FMN2: variants seen among roughly 807,000 people sequenced by gnomAD.
FMN2 encodes the protein formin-2.
A neutral mutation model predicts 142.3 loss-of-function variants in FMN2; 51 were observed. The ratio of observed to expected loss-of-function variants is 0.36; its 90% confidence interval spans 0.29 to 0.45. FMN2 has a LOEUF of 0.45. Ranked by LOEUF, FMN2 falls within the 20% of genes least tolerant of loss-of-function variation. The probability of loss-of-function intolerance (pLI) is 1.00; values close to 1 mark genes in which losing one functional copy is unlikely to be tolerated. For missense variants in FMN2, 1,936 were observed against 2,122.8 expected (o/e 0.91, Z 1.73); for synonymous variants, 882 against 869.8 (o/e 1.01, Z -0.25).
At chr1:240,427,169 T>C (rs1674971561) in intron 15 of FMN2, among the ~76,000 whole-genome samples, 1 of 63,940 alleles carries the variant, frequency 1.6e-5, no homozygotes, top group South Asian at 5.7e-4. Flanking sequence ...TTACAACTGA[T>C]TTTATATATA....
At chr1:240,204,226 C>A (rs540289918) in intron 4 of FMN2, among the ~76,000 whole-genome samples, 27 of 152,176 alleles carry the variant, frequency 1.8e-4, no homozygotes, top group African/African-American at 6.5e-4. Flanking sequence ...CAGCAAACAT[C>A]ATGATTGACC....
intron 15 of FMN2, among the ~76,000 whole-genome samples, chr1:240,426,014 T>C (rs1163208577): frequency 6.6e-6 from 1 of 152,180 alleles, no homozygotes; most frequent in East Asian, 1.9e-4. Context: ...AAATAATACT[T>C]GAACGAGAGT....
chr1:240,136,713 C>G (rs1220399637), intron 2 of FMN2, among the ~76,000 whole-genome samples: 1 of 152,086 alleles, frequency 6.6e-6, no homozygotes, highest in Non-Finnish European at 1.5e-5. Context: ...TTAATTAGTT[C>G]TATTGATGTG....
chr1:240,228,258 G>C (rs1667388336), intron 6 of FMN2, among the ~76,000 whole-genome samples: 2 of 131,076 alleles, frequency 1.5e-5, no homozygotes, highest in African/African-American at 5.6e-5. Context: ...AGCCGAGACT[G>C]TGCCATTGCA....
intron 15 of FMN2, among the ~76,000 whole-genome samples, chr1:240,407,285 G>A (rs1218707994): frequency 3.9e-5 from 6 of 152,006 alleles, no homozygotes; most frequent in Non-Finnish European, 7.4e-5. Context: ...TTACAGGCGC[G>A]CGCCACTGCA....
intron 15 of FMN2, among the ~76,000 whole-genome samples, chr1:240,404,692 C>A (rs1382137365): frequency 1.3e-5 from 2 of 152,158 alleles, no homozygotes; most frequent in East Asian, 3.9e-4. Context: ...TTTCTTTGTA[C>A]AAATGGATTT....
At chr1:240,258,448 C>G (rs2102898513) in intron 7 of FMN2, among the ~76,000 whole-genome samples, 1 of 152,204 alleles carries the variant, frequency 6.6e-6, no homozygotes, top group South Asian at 2.1e-4. Context: ...CCTCAATTGG[C>G]AGAAAGAAGG....
intron 15 of FMN2, among the ~76,000 whole-genome samples, chr1:240,435,448 T>C (rs1336102674): frequency 2.0e-5 from 3 of 151,648 alleles, no homozygotes; most frequent in African/African-American, 4.8e-5. Flanking sequence ...TCAGCCCCAA[T>C]TGAATTAGTT....
intron 7 of FMN2, among the ~76,000 whole-genome samples, chr1:240,291,327 A>G (rs1669787409): frequency 7.1e-6 from 1 of 141,172 alleles, no homozygotes; most frequent in Admixed American, 7.3e-5. Context: ...TGATTTATAT[A>G]TATTTTTGAG....
intron 7 of FMN2, among the ~76,000 whole-genome samples, chr1:240,280,860 G>C (rs546025283): frequency 4.4e-4 from 67 of 152,120 alleles, no homozygotes; most frequent in African/African-American, 1.5e-3. Context: ...GCGCCGAGTC[G>C]TACCCAGTGT....
intron 1 of FMN2, among the ~76,000 whole-genome samples, chr1:240,102,663 G>A (rs1232829245): frequency 6.6e-6 from 1 of 152,022 alleles, no homozygotes; most frequent in African/African-American, 2.4e-5. Flanking sequence ...TGGTATCCTT[G>A]CAGTTTCTTT....
rs550623491 is a variant in FMN2, at chr1:240,392,446, G to T, written c.4859-65G>T. On this transcript the variant is annotated intron_variant, in intron 14 of 17. Coordinates refer to ENST00000319653, the MANE Select transcript of FMN2 (RefSeq NM_020066.5). ...ATAAGTTACGTTATGTAGGGCAGAT[G>T]TTGCTTGAAATAGTGTAACAACTTA... 14 of 1,321,300 alleles carry T rather than the reference G, an allele frequency of 1.1e-5. No homozygotes were observed. In the East Asian group the frequency reaches 1.6e-4, roughly 15 times the overall value. 81.8% of individuals were successfully genotyped at this position (1,321,300 alleles called of 1,614,324 possible).
intron 15 of FMN2, among the ~76,000 whole-genome samples, chr1:240,395,142 T>C (rs1383649466): frequency 6.6e-6 from 1 of 152,106 alleles, no homozygotes; most frequent in Non-Finnish European, 1.5e-5. Context: ...CTGTGCTGTA[T>C]AAATGGAACA....
chr1:240,165,413 C>A (rs1664439976), intron 2 of FMN2, among the ~76,000 whole-genome samples: 1 of 152,098 alleles, frequency 6.6e-6, no homozygotes, highest in Non-Finnish European at 1.5e-5. Context: ...TGGACTCAAG[C>A]AATCCTCCCA....
intron 2 of FMN2, among the ~76,000 whole-genome samples, chr1:240,164,353 T>C (rs938536635): frequency 3.5e-4 from 53 of 152,192 alleles, no homozygotes; most frequent in African/African-American, 1.2e-3. Context: ...AAGTTACACA[T>C]TGTTATTTTA....
chr1:240,357,576 G>A (rs1383668648), intron 14 of FMN2, among the ~76,000 whole-genome samples: 4 of 151,326 alleles, frequency 2.6e-5, no homozygotes, highest in African/African-American at 9.7e-5. Context: ...AACTGTGTAA[G>A]TAAGTATCTC....
chr1:240,199,463 C>T (rs1002374388), intron 4 of FMN2, among the ~76,000 whole-genome samples: 6 of 152,094 alleles, frequency 3.9e-5, no homozygotes, highest in Admixed American at 3.9e-4. Context: ...ACAGTTGTAA[C>T]CTTAATGTTA....
chr1:240,145,288 G>T (rs534061694), intron 2 of FMN2: 6 of 1,414,630 alleles, frequency 4.2e-6, no homozygotes, highest in African/African-American at 4.2e-5. Context: ...GCTCCTTGCC[G>T]CTTGGCTTCT....
At chr1:240,210,967 C>T in intron 5 of FMN2, 124 bp from the exon 6 acceptor site, 3 of 800,028 alleles carry the variant, frequency 3.7e-6, no homozygotes, top group Middle Eastern at 3.9e-4. Flanking sequence ...CTTCTTATCT[C>T]TCTTCTTTTT....
Sources: gnomAD v4.1 joint callset for allele counts (sites outside exome capture counted in the v4.1 genomes callset) on GRCh38, gnomAD v4.1.1 for gene constraint, MANE v1.5 for transcripts, NCBI Gene and HGNC (gene_info 2026-07-23, HGNC 2026-07-21) for gene names.